FBN3: variants seen among roughly 807,000 people sequenced by gnomAD.
FBN3 encodes the protein fibrillin-3.
In FBN3, 234 loss-of-function variants were observed where a neutral mutation model predicts 330.1. The observed-to-expected ratio is 0.71, with a 90% confidence interval of 0.64 to 0.79. The LOEUF is 0.79. Ranked by LOEUF, FBN3 falls within the 30% of genes least tolerant of loss-of-function variation. The pLI is 0.00. For synonymous variants in FBN3, 1,458 were observed against 1,517.3 expected, an observed-to-expected ratio of 0.96 and a Z score of 0.91; for missense variants, 3,606 against 3,886.9, an observed-to-expected ratio of 0.93 and a Z score of 1.92.
At chr19:8,113,968 G>T (rs566429257) in intron 30 of FBN3, among the ~76,000 whole-genome samples, 66 of 151,894 alleles carry the variant, frequency 4.3e-4, no homozygotes, top group African/African-American at 1.6e-3. Flanking sequence ...TCCAGCCTGG[G>T]AGACAGAGTG....
chr19:8,128,040 A>C (rs1214832116), intron 18 of FBN3, among the ~76,000 whole-genome samples: 2 of 152,152 alleles, frequency 1.3e-5, no homozygotes, highest in Non-Finnish European at 2.9e-5. Context: ...ATTACAAATG[A>C]TGAACAGCCA....
chr19:8,136,074 C>T lies in FBN3; in HGVS notation c.1478G>A (p.Cys493Tyr), dbSNP rs1174159634. 1.9e-6 allele frequency: 3 copies of T among 1,614,030 alleles called. No individual in the cohort carries two copies. In the South Asian group the frequency reaches 3.3e-5, roughly 18 times the overall value. ...GTGACAAAGGCCACCACTGACAATG[C>T]ACTCGTCCACATCTGCGGGGAAGGC... is the stretch of plus-strand genomic sequence containing the variant. ...TRQACVDVDE[C>Y]IVSGGLCHLG... is the part of the protein sequence containing the mutation. Residue 493 changes from cysteine (C) to tyrosine (Y), a missense_variant, in exon 13 of 64, where the codon TGC becomes TAC. Coordinates refer to ENST00000600128, the MANE Select transcript of FBN3 (RefSeq NM_032447.5).
At chr19:8,130,203 G>A (rs1364338172) in intron 16 of FBN3, among the ~76,000 whole-genome samples, 1 of 151,320 alleles carries the variant, frequency 6.6e-6, no homozygotes, top group African/African-American at 2.4e-5. Context: ...TGGCCATAAA[G>A]TAAATGTTTT....
chr19:8,147,088 C>CG lies in FBN3; in HGVS notation c.250+15dup, dbSNP rs769174263. The CG allele has an allele frequency of 1.9e-6, 3 of 1,547,050 alleles. No homozygotes were observed. Among genetic ancestry groups the CG allele is most frequent in the Non-Finnish European group, 8.7e-7 (1 of 1,148,450 alleles). ...CGGCCTGTGCCCCCCCACCTCCAGA[C>CG]GGCGGTAGCACTCACGTACGACACA... On this transcript the variant is annotated intron_variant, in intron 3 of 63. Transcript: ENST00000600128.
chr19:8,148,152 T>C (rs2145081835), intron 1 of FBN3, among the ~76,000 whole-genome samples: 1 of 152,068 alleles, frequency 6.6e-6, no homozygotes, highest in East Asian at 1.9e-4. Context: ...CCCCCACTCC[T>C]GCAATGCCTG....
chr19:8,099,464 T>G (rs964934252), intron 41 of FBN3, among the ~76,000 whole-genome samples: 65 of 151,216 alleles, frequency 4.3e-4, no homozygotes, highest in African/African-American at 1.5e-3. Flanking sequence ...GTATTTTTAG[T>G]AGAGACGGGG....
At chr19:8,117,023 G>A (rs989201656) in intron 28 of FBN3, 146 bp downstream of exon 28, 11 of 1,328,168 alleles carry the variant, frequency 8.3e-6, no homozygotes, top group Non-Finnish European at 9.2e-6. Flanking sequence ...GCCTGCCTGG[G>A]GCCAGGACCA....
intron 10 of FBN3, 48 bp from the exon 11 acceptor site, chr19:8,136,579 C>T: frequency 6.2e-7 from 1 of 1,606,888 alleles, no homozygotes; most frequent in Middle Eastern, 1.7e-4. Context: ...TGGCCCCGCC[C>T]CAGTCTGGAG....
chr19:8,136,347 G>T lies in FBN3; in HGVS notation c.1346-38C>A, dbSNP rs9749294. On this transcript the variant is annotated intron_variant, in intron 11 of 63. Transcript: ENST00000600128. ...GACCCTGAGCCCTAGCACGAGCAGG[G>T]CAGTGAGAACCGCCCCCCCTTCCAC... The T allele has an allele frequency of 1.0e-5, 16 of 1,606,338 alleles. No individual in the cohort carries two copies. The South Asian group carries it at 1.7e-4, about 17-fold the overall frequency.
In FBN3 at chr19:8,096,557, C is replaced by T. The variant is rs372637742; in HGVS notation, c.5426G>A (p.Cys1809Tyr). 31 of 1,612,312 alleles carry T rather than the reference C, an allele frequency of 1.9e-5. No homozygotes were observed. Among genetic ancestry groups the T allele is most frequent in the Non-Finnish European group, 5.1e-6 (6 of 1,179,488 alleles). The stretch of plus-strand genomic sequence containing the variant: ...GCTACAGACATTCGGGATCTCCCGA[C>T]ACTCATTCCGTCCTGGGGGTGCAGA... ...PGGACVGRNE[C>Y]REIPNVCSHG... The change falls in exon 44 of 64, where the codon TGT becomes TAT. Residue 1809 changes from cysteine to tyrosine, a missense_variant. By Grantham distance (194) the Cys-to-Tyr change is radical. Transcript: ENST00000600128. This position sits in a 1 kb window ranked among gnomAD's most constrained non-coding sequence, Gnocchi z 4.6.
Position 8,123,764 on chromosome 19 carries a change from G to T in FBN3, c.2956+20C>A. The T allele has an allele frequency of 6.2e-7, 1 of 1,611,884 alleles. No homozygotes were observed. Among genetic ancestry groups the T allele is most frequent in the South Asian group, 1.1e-5 (1 of 90,976 alleles). ...CCCCTCCCCATCCTTCCAGGGGCCT[G>T]ACCCCTTCCCCAACCGCACCTTTAT... On this transcript the variant is annotated intron_variant, in intron 23 of 63. Transcript: ENST00000600128.
At chr19:8,133,703 C>T (rs759052863) in intron 13 of FBN3, among the ~76,000 whole-genome samples, 8 of 151,950 alleles carry the variant, frequency 5.3e-5, no homozygotes, top group East Asian at 2.0e-4. Context: ...AAGCCCGCCT[C>T]GTCCTCCCAA....
At position 8,142,031 on chromosome 19, in the gene FBN3, A is replaced by G; in HGVS notation, c.648T>C (p.Arg216=). 6.2e-7 allele frequency: 1 copy of G among 1,614,164 alleles called. No homozygotes were observed. The highest frequency in any genetic ancestry group is 1.7e-5 in the Admixed American group (1 of 60,030). The change falls in exon 7 of 64, where the codon CGT becomes CGC. Residue 216 remains arginine, a synonymous_variant. Coordinates refer to ENST00000600128, the MANE Select transcript of FBN3 (RefSeq NM_032447.5). The part of the protein sequence containing the change: ...TKALCCATVG[R]AWGLPCELCP... ...AAAGTTCACATGGAAGGCCCCAGGC[A>G]CGGCCCACAGTGGCACAGCAAAGTG... is the stretch of plus-strand genomic sequence containing the variant.
intron 37 of FBN3, 147 bp from the exon 38 acceptor site, chr19:8,106,380 T>C: frequency 1.4e-6 from 1 of 713,614 alleles, no homozygotes; most frequent in Non-Finnish European, 2.3e-6. Context: ...AGGGTCTATC[T>C]TGATGGCTGG....
chr19:8,141,940 C>T lies in FBN3; in HGVS notation c.739G>A (p.Asp247Asn), dbSNP rs769911283. 1 of 1,614,182 alleles carries T rather than the reference C, an allele frequency of 6.2e-7. No homozygotes were observed. Among genetic ancestry groups the T allele is most frequent in the Non-Finnish European group, 8.5e-7 (1 of 1,180,000 alleles). Reference sequence around the variant, plus strand: ...ACTCAGCCCTGACCCCACTATTCACCTTGGCAGGCCCCCGTGTGGATATTG... The same window carrying T: ...ACTCAGCCCTGACCCCACTATTCACTTTGGCAGGCCCCCGTGTGGATATTG... ...IPNIHTGACQDVDECQAVPGL... is the reference protein window; with the variant it reads ...IPNIHTGACQNVDECQAVPGL... The change falls in exon 7 of 64, where the codon GAT becomes AAT. Residue 247 changes from aspartate (D) to asparagine (N), a missense_variant and splice_region_variant. By Grantham distance (23) the Asp-to-Asn change is conservative (BLOSUM62 1). Coordinates refer to ENST00000600128, the MANE Select transcript of FBN3 (RefSeq NM_032447.5).
Position 8,083,312 on chromosome 19 carries a change from A to C in FBN3, c.7148T>G (p.Leu2383Arg), listed in dbSNP as rs1430864133. Residue 2383 changes from leucine (L) to arginine (R), a missense_variant, in exon 57 of 64, where the codon CTT becomes CGT. By Grantham distance (102) the Leu-to-Arg change is moderately radical. Coordinates refer to ENST00000600128, the MANE Select transcript of FBN3 (RefSeq NM_032447.5). ...LCAHGECINS[L>R]GSFRCHCQAG... ...CTGACAGTGGCAGCGGAAGGAGCCA[A>C]GGCTGTTGATGCACTCCCCATGAGC... 1.2e-6 allele frequency: 2 copies of C among 1,614,152 alleles called. No homozygotes were observed. The highest frequency in any genetic ancestry group is 2.2e-5 in the South Asian group (2 of 91,092).
intron 38 of FBN3, among the ~76,000 whole-genome samples, chr19:8,104,295 G>A (rs1303626539): frequency 6.6e-6 from 1 of 150,904 alleles, no homozygotes; most frequent in Non-Finnish European, 1.5e-5. Context: ...AACATAGTGA[G>A]GTCCCATCTC....
chr19:8,137,153 C>CCATCCAACCTGGAACCCAGATT, intron 10 of FBN3, among the ~76,000 whole-genome samples: 1 of 149,756 alleles, frequency 6.7e-6, no homozygotes, highest in East Asian at 2.0e-4. Flanking sequence ...GTGCCTAGAT[C>CCATCCAACCTGGAACCCAGATT]CCTCCAACCT....
intron 8 of FBN3, among the ~76,000 whole-genome samples, chr19:8,141,384 A>AG (rs1028950973): frequency 6.8e-6 from 1 of 146,512 alleles, no homozygotes; most frequent in African/African-American, 2.6e-5. Flanking sequence ...AAAAAAAAAA[A>AG]AGAGAGAGAC....
Sources: allele counts gnomAD v4.1 joint callset (sites outside exome capture counted in the v4.1 genomes callset), GRCh38; gene constraint gnomAD v4.1.1; non-coding constraint Gnocchi (gnomAD v3.1); transcripts MANE v1.5; gene names NCBI Gene and HGNC (gene_info 2026-07-23, HGNC 2026-07-21).